IL1RAPL1: variants seen among roughly 807,000 people sequenced by gnomAD.
IL1RAPL1 encodes interleukin 1 receptor accessory protein like 1, also known as interleukin-1 receptor accessory protein-like 1.
A neutral mutation model predicts 48.4 loss-of-function variants in IL1RAPL1; 3 were observed. The ratio of observed to expected loss-of-function variants is 0.06; its 90% CI spans 0.03 to 0.16. The LOEUF is 0.16. Among genes scored for constraint, IL1RAPL1 ranks in the 10% least tolerant of loss-of-function variants. IL1RAPL1 has a pLI of 1.00. For missense variants in IL1RAPL1, 349 were observed against 530.6 expected (o/e 0.66, Z 3.36); for synonymous variants, 185 against 187.7 (o/e 0.99, Z 0.12).
intron 2 of IL1RAPL1, among the ~76,000 whole-genome samples, chrX:28,974,723 G>C (rs1049503275): frequency 9.0e-6 from 1 of 111,693 alleles, no homozygotes; most frequent in Non-Finnish European, 1.9e-5. Flanking sequence ...ACGCCATTTG[G>C]CTCATAAATG....
At chrX:29,205,331 C>G (rs1019284314) in intron 2 of IL1RAPL1, among the ~76,000 whole-genome samples, 1 of 111,724 alleles carries the variant, frequency 9.0e-6, no homozygotes, top group Non-Finnish European at 1.9e-5. Flanking sequence ...TTCAAACATT[C>G]GAATTAAAGA....
At chrX:29,357,502 TTC>T (rs1933320629) in intron 3 of IL1RAPL1, among the ~76,000 whole-genome samples, 1 of 112,516 alleles carries the variant, frequency 8.9e-6, no homozygotes, top group Admixed American at 9.5e-5. Flanking sequence ...TCCACTATTT[TTC>T]TTTTTCAAAT....
chrX:29,623,066 C>A (rs1367702580), intron 5 of IL1RAPL1, among the ~76,000 whole-genome samples: 1 of 103,908 alleles, frequency 9.6e-6, no homozygotes, highest in Non-Finnish European at 2.0e-5. Context: ...GTCAGGAGAT[C>A]GAGACCATCC....
chrX:29,001,734 AT>A (rs1925857439), intron 2 of IL1RAPL1, among the ~76,000 whole-genome samples: 1 of 111,347 alleles, frequency 9.0e-6, no homozygotes, highest in Non-Finnish European at 1.9e-5. Flanking sequence ...AAATGAGCAA[AT>A]TTATTCAAAG....
rs376715726 is a variant in IL1RAPL1 at position 28,791,100 on chromosome X, G to GT, written c.82+1684dup. Among the ~76,000 whole-genome samples the GT allele has an allele frequency of 2.3e-3, 243 of 105,930 alleles. No homozygotes were observed. In the Middle Eastern group the frequency reaches 0.041, roughly 18 times the overall value. 92.0% of individuals were successfully genotyped at this position (105,930 alleles called of 115,157 possible). A position where few individuals can be genotyped will look rare whatever the true frequency, so the allele number is the denominator to read the frequency against. On this transcript the variant is annotated intron_variant, in intron 2 of 10. Transcript: ENST00000378993. ...TATTACCACTAATTATATAAAATCT[G>GT]TTTTTTTTTCAGTTCTTTCTGTGTA...
intron 2 of IL1RAPL1, among the ~76,000 whole-genome samples, chrX:29,183,889 T>C (rs991462864): frequency 2.7e-5 from 3 of 111,886 alleles, no homozygotes; most frequent in Non-Finnish European, 3.8e-5. Context: ...AAATGGGTTT[T>C]CACCATGTTG....
At chrX:29,175,535 C>T (rs1456667422) in intron 2 of IL1RAPL1, among the ~76,000 whole-genome samples, 2 of 110,810 alleles carry the variant, frequency 1.8e-5, no homozygotes, top group African/African-American at 6.6e-5. Flanking sequence ...TTAGAAACGA[C>T]ATGGAGTAGC....
chrX:28,747,800 T>C (rs1271094091), intron 1 of IL1RAPL1, among the ~76,000 whole-genome samples: 3 of 112,067 alleles, frequency 2.7e-5, no homozygotes, highest in African/African-American at 9.7e-5. Flanking sequence ...TATTTATACA[T>C]TGGAACTTGG....
chrX:29,338,096 T>A (rs780790270), intron 3 of IL1RAPL1, among the ~76,000 whole-genome samples: 1 of 112,269 alleles, frequency 8.9e-6, no homozygotes, highest in South Asian at 3.7e-4. Context: ...AATCATTTTT[T>A]ATTGTGGCTT....
In IL1RAPL1 at chrX:28,826,228, T is replaced by G. The variant is rs147075976; in HGVS notation, c.82+36803T>G. Among the ~76,000 whole-genome samples, 208 of 111,746 alleles carry G rather than the reference T, an allele frequency of 1.9e-3. 1 individual carries two copies. Among genetic ancestry groups the G allele is most frequent in the African/African-American group, 6.5e-3 (202 of 30,881 alleles). ...TTCTTCCTATCTTGTAGGGTTGATA[T>G]ATATTACTTGGAAATGTGAGACAAA... On this transcript the variant is annotated intron_variant, in intron 2 of 10. Coordinates refer to ENST00000378993, the MANE Select transcript of IL1RAPL1 (RefSeq NM_014271.4).
At chrX:28,855,932 T>G (rs1046876296) in intron 2 of IL1RAPL1, among the ~76,000 whole-genome samples, 1 of 111,739 alleles carries the variant, frequency 8.9e-6, no homozygotes, top group Non-Finnish European at 1.9e-5. Context: ...GTCCATATCT[T>G]TGTTTCTTTG....
intron 6 of IL1RAPL1, among the ~76,000 whole-genome samples, chrX:29,716,405 T>C (rs2147123214): frequency 8.9e-6 from 1 of 111,805 alleles, no homozygotes; most frequent in African/African-American, 3.2e-5. Flanking sequence ...GAAAACCATT[T>C]ATCCTATTCC....
At chrX:29,817,824 T>A (rs935888921) in intron 6 of IL1RAPL1, among the ~76,000 whole-genome samples, 1 of 111,994 alleles carries the variant, frequency 8.9e-6, no homozygotes, top group Non-Finnish European at 1.9e-5. Flanking sequence ...TCTCTTCCTC[T>A]GCTCTGTAAT....
intron 2 of IL1RAPL1, among the ~76,000 whole-genome samples, chrX:29,133,016 C>G (rs1929054452): frequency 9.0e-6 from 1 of 110,991 alleles, no homozygotes; most frequent in Non-Finnish European, 1.9e-5. Context: ...TCTTTCATGC[C>G]ATAATAAAAT....
intron 2 of IL1RAPL1, among the ~76,000 whole-genome samples, chrX:28,813,599 A>G (rs1418041012): frequency 9.0e-6 from 1 of 110,961 alleles, no homozygotes; most frequent in Non-Finnish European, 1.9e-5. Flanking sequence ...ATTTTCTGCC[A>G]TTTTAATCTA....
intron 1 of IL1RAPL1, among the ~76,000 whole-genome samples, chrX:28,693,305 C>G (rs1054860687): frequency 1.8e-5 from 2 of 112,137 alleles, no homozygotes; most frequent in African/African-American, 6.5e-5. Flanking sequence ...ATAGGAAACC[C>G]TTTTCCAAAT....
At chrX:28,741,649 C>T (rs988413792) in intron 1 of IL1RAPL1, among the ~76,000 whole-genome samples, 3 of 111,500 alleles carry the variant, frequency 2.7e-5, no homozygotes, top group Non-Finnish European at 5.7e-5. Context: ...GAAAGCAAGA[C>T]GAAGAGGATT....
chrX:28,991,811 A>T (rs1925610347), intron 2 of IL1RAPL1, among the ~76,000 whole-genome samples: 1 of 112,598 alleles, frequency 8.9e-6, no homozygotes, highest in African/African-American at 3.2e-5. Flanking sequence ...ATACCATATT[A>T]TGCACAGGTA....
At chrX:28,888,237 G>A (rs187055874) in intron 2 of IL1RAPL1, among the ~76,000 whole-genome samples, 13 of 105,518 alleles carry the variant, frequency 1.2e-4, no homozygotes, top group Admixed American at 3.1e-4. Context: ...GAGTTGTATC[G>A]TCTTAATAGG....
Sources: allele counts gnomAD v4.1 joint callset (sites outside exome capture counted in the v4.1 genomes callset), GRCh38; gene constraint gnomAD v4.1.1; transcripts MANE v1.5; gene names NCBI Gene and HGNC (gene_info 2026-07-23, HGNC 2026-07-21).